The following ELP4 variants were observed in gnomAD, a reference collection of about 807,000 sequenced individuals.
ELP4 encodes the protein elongator complex protein 4.
Under a neutral mutation model 48.9 loss-of-function variants are expected in ELP4, and 51 were observed. The ratio of observed to expected loss-of-function variants is 1.04; its 90% CI spans 0.83 to 1.32. ELP4 has a LOEUF of 1.32. Ranked by LOEUF, ELP4 falls within the 40% of genes most tolerant of loss-of-function variation. The pLI is 0.00. For synonymous variants in ELP4, 210 were observed against 189.2 expected (o/e 1.11, Z -0.90); for missense variants, 519 against 514.6 (o/e 1.01, Z -0.08).
chr11:31,632,092 A>C, intron 6 of ELP4, 125 bp from the exon 7 acceptor site: 1 of 691,524 alleles, frequency 1.4e-6, no homozygotes, highest in Non-Finnish European at 2.3e-6. Flanking sequence ...TAGTACATAA[A>C]AATTTTTAAC....
At chr11:31,536,577 C>T (rs536585743) in intron 2 of ELP4, among the ~76,000 whole-genome samples, 205 of 152,218 alleles carry the variant, frequency 1.3e-3, no homozygotes, top group African/African-American at 4.5e-3. Flanking sequence ...GTCTCCAACT[C>T]CTGACCTCAA....
At chr11:31,517,870 G>C (rs1956145191) in intron 1 of ELP4, among the ~76,000 whole-genome samples, 3 of 151,668 alleles carry the variant, frequency 2.0e-5, no homozygotes, top group African/African-American at 7.3e-5. Context: ...CACCCGTATT[G>C]GCCTCCCAAA....
intron 5 of ELP4, among the ~76,000 whole-genome samples, chr11:31,625,033 T>A (rs75629432): frequency 6.6e-6 from 1 of 151,366 alleles, no homozygotes; most frequent in Non-Finnish European, 1.5e-5. Flanking sequence ...TTTTTTTTTT[T>A]CCAATAAATA....
Position 31,783,597 on chromosome 11 carries a change from A to G in ELP4, c.*73A>G. The G allele has an allele frequency of 7.0e-7, 1 of 1,422,008 alleles. No individual in the cohort carries two copies. The highest frequency in any genetic ancestry group is 9.5e-7 in the Non-Finnish European group (1 of 1,050,042). The allele number at this position is 1,422,008 out of a possible 1,614,324, so 88.1% of individuals were successfully genotyped here. ...ATGATTGCTAATAGCTTATGTAAAT[A>G]TTTTTCTTAACAATTTGACCCTCCA... On this transcript the variant is annotated 3_prime_UTR_variant, in exon 10 of 10. Transcript: ENST00000640961.
At chr11:31,659,616 G>T in intron 9 of ELP4, among the ~76,000 whole-genome samples, 1 of 151,998 alleles carries the variant, frequency 6.6e-6, no homozygotes, top group Non-Finnish European at 1.5e-5. Context: ...ATTCTTCATT[G>T]AACATTTCAA....
In ELP4 at chr11:31,789,389, T is replaced by C. The variant is rs1013484317; in HGVS notation, c.*5865T>C. On this transcript the variant is annotated 3_prime_UTR_variant, in exon 10 of 10. Transcript: ENST00000640961. Reference sequence around the variant, plus strand: ...CATAAACTTCATCTGTTAACAACCTTTGGAAAACCAACAGATATTTCTGAC... The same window carrying C: ...CATAAACTTCATCTGTTAACAACCTCTGGAAAACCAACAGATATTTCTGAC... 2 of 335,130 alleles carry C rather than the reference T, an allele frequency of 6.0e-6. No individual in the cohort carries two copies. 20.8% of individuals were successfully genotyped at this position (335,130 alleles called of 1,614,324 possible). A position where few individuals can be genotyped will look rare whatever the true frequency, so the allele number is the denominator to read the frequency against.
At chr11:31,703,304 C>T (rs1946565241) in intron 9 of ELP4, among the ~76,000 whole-genome samples, 1 of 152,020 alleles carries the variant, frequency 6.6e-6, no homozygotes, top group Non-Finnish European at 1.5e-5. Context: ...CCTTTATTGC[C>T]CAGCTATCCC....
intron 2 of ELP4, among the ~76,000 whole-genome samples, chr11:31,531,039 T>C (rs1193228228): frequency 1.3e-5 from 2 of 152,208 alleles, no homozygotes; most frequent in Non-Finnish European, 2.9e-5. Flanking sequence ...ATTAATTAAA[T>C]GCTTATTGTA....
At position 31,539,757 on chromosome 11, in the gene ELP4, A is replaced by G. The variant is rs1334448516; in HGVS notation, c.355A>G (p.Lys119Glu). Residue 119 changes from lysine to glutamate, a missense_variant, in exon 3 of 10, where the codon AAA (lysine) becomes GAA (glutamate). Transcript: ENST00000640961. The stretch of plus-strand genomic sequence containing the variant: ...GCATACTTTGTTGGTTGCATCTGCT[A>G]AAGAGGATCCTGCCAACATTTTACA... Reference protein sequence around the residue: ...NGHTLLVASAKEDPANILQEL... With the variant: ...NGHTLLVASAEEDPANILQEL... The G allele has an allele frequency of 1.2e-6, 2 of 1,610,576 alleles. No individual in the cohort carries two copies. Among genetic ancestry groups the G allele is most frequent in the Non-Finnish European group, 1.7e-6 (2 of 1,178,632 alleles).
intron 9 of ELP4, among the ~76,000 whole-genome samples, chr11:31,685,410 A>C (rs1262787397): frequency 1.3e-5 from 2 of 152,148 alleles, no homozygotes; most frequent in Non-Finnish European, 2.9e-5. Context: ...ATCTAAAGTT[A>C]CTGAATAATT....
chr11:31,534,858 T>C (rs1198522848), intron 2 of ELP4, among the ~76,000 whole-genome samples: 1 of 152,230 alleles, frequency 6.6e-6, no homozygotes, highest in Non-Finnish European at 1.5e-5. Flanking sequence ...AAATCAATTA[T>C]TTTTTAAACA....
Position 31,789,576 on chromosome 11 carries a change from T to TA in ELP4, c.*6052_*6053insA. 24 of 606,398 alleles carry TA rather than the reference T, an allele frequency of 4.0e-5. No homozygotes were observed. The highest frequency in any genetic ancestry group is 1.0e-4 in the South Asian group (5 of 48,566). 37.6% of individuals were successfully genotyped at this position (606,398 alleles called of 1,614,324 possible). ...AAGCTTGTTGATCATGGTTTTCTTT[T>TA]TAAAAAAAAAAAAAACAACTTCATG... On this transcript the variant is annotated 3_prime_UTR_variant, in exon 10 of 10. Transcript: ENST00000640961.
chr11:31,541,794 T>C (rs990880867), intron 3 of ELP4, among the ~76,000 whole-genome samples: 4 of 152,192 alleles, frequency 2.6e-5, no homozygotes, highest in Non-Finnish European at 5.9e-5. Flanking sequence ...TATCCTTCTT[T>C]AGATTATGTG....
intron 2 of ELP4, among the ~76,000 whole-genome samples, chr11:31,533,372 T>G (rs1286440751): frequency 1.0e-5 from 1 of 98,882 alleles, no homozygotes; most frequent in Non-Finnish European, 1.8e-5. Flanking sequence ...CTCATTCTTT[T>G]TTTTTTTTTT....
chr11:31,610,517 C>A (rs1173765608), intron 5 of ELP4, among the ~76,000 whole-genome samples: 1 of 152,144 alleles, frequency 6.6e-6, no homozygotes. Flanking sequence ...CCTCCCTTCC[C>A]CCCTCCGTAT....
intron 3 of ELP4, among the ~76,000 whole-genome samples, chr11:31,571,060 A>G (rs1303033009): frequency 6.6e-6 from 1 of 152,132 alleles, no homozygotes; most frequent in Non-Finnish European, 1.5e-5. Context: ...GGCCTCCCAA[A>G]GTGCTGGGAT....
chr11:31,545,482 T>C (rs1295758881), intron 3 of ELP4, among the ~76,000 whole-genome samples: 1 of 151,996 alleles, frequency 6.6e-6, no homozygotes, highest in East Asian at 1.9e-4. Flanking sequence ...TATGGGACTA[T>C]GTGAAAAGAC....
At chr11:31,581,389 A>T (rs891053672) in intron 3 of ELP4, among the ~76,000 whole-genome samples, 1 of 152,168 alleles carries the variant, frequency 6.6e-6, no homozygotes, top group Non-Finnish European at 1.5e-5. Context: ...GGTGGTAGAG[A>T]TGTTTTAAAT....
intron 9 of ELP4, among the ~76,000 whole-genome samples, chr11:31,712,580 T>G (rs1321733343): frequency 6.6e-6 from 1 of 152,172 alleles, no homozygotes; most frequent in African/African-American, 2.4e-5. Flanking sequence ...TTAAATACTT[T>G]AAATGTCTTT....
Sources: gnomAD v4.1 joint callset for allele counts (sites outside exome capture counted in the v4.1 genomes callset) on GRCh38, gnomAD v4.1.1 for gene constraint, MANE v1.5 for transcripts, NCBI Gene and HGNC (gene_info 2026-07-23, HGNC 2026-07-21) for gene names.